PPP1R9A: variants seen among roughly 807,000 people sequenced by gnomAD.
PPP1R9A encodes protein phosphatase 1 regulatory subunit 9A.
Under a neutral mutation model 141.9 loss-of-function variants are expected in PPP1R9A, and 59 were observed. The observed-to-expected ratio is 0.42, with a 90% CI of 0.34 to 0.52. The LOEUF (loss-of-function observed/expected upper bound fraction) is 0.52. PPP1R9A is among the 20% of genes least tolerant of loss of function. The pLI is 0.10. For missense variants in PPP1R9A, 1,444 were observed against 1,611.9 expected (o/e 0.90, Z 1.78); for synonymous variants, 500 against 569.7 (o/e 0.88, Z 1.74).
At chr7:95,169,730 A>G (rs2152744893) in intron 5 of PPP1R9A, among the ~76,000 whole-genome samples, 1 of 152,062 alleles carries the variant, frequency 6.6e-6, no homozygotes, top group South Asian at 2.1e-4. Flanking sequence ...CTGATCCCAC[A>G]TTCAAAAGCC....
chr7:95,061,300 A>G (rs1812199492), intron 2 of PPP1R9A, among the ~76,000 whole-genome samples: 1 of 152,240 alleles, frequency 6.6e-6, no homozygotes, highest in East Asian at 1.9e-4. Flanking sequence ...GCTAACATCT[A>G]TAAAAATGTT....
chr7:95,198,663 G>A (rs978010969), intron 6 of PPP1R9A, among the ~76,000 whole-genome samples, 179 bp downstream of exon 6: 7 of 152,158 alleles, frequency 4.6e-5, no homozygotes, highest in African/African-American at 1.4e-4. Flanking sequence ...TAAGAATCAA[G>A]TCATGGTATC....
At chr7:95,098,096 T>C (rs1818274563) in intron 2 of PPP1R9A, 1 of 152,232 alleles carries the variant, frequency 6.6e-6, no homozygotes, top group Non-Finnish European at 1.5e-5. Context: ...TAATTTCCCT[T>C]ACTTAAAGTC....
intron 2 of PPP1R9A, among the ~76,000 whole-genome samples, chr7:95,037,452 A>C (rs1176481559): frequency 6.6e-6 from 1 of 152,202 alleles, no homozygotes; most frequent in Middle Eastern, 3.2e-3. Flanking sequence ...TATTAGGACC[A>C]CATGTGTTAT....
Position 94,911,341 on chromosome 7 carries a change from T to A in PPP1R9A, c.1228T>A (p.Tyr410Asn). ...TAATGTGTATAGGGTGAGATCCAGG[T>A]ATAATTCAGACTGGGGAGAGACAGG... The part of the protein sequence containing the change: ...DYNVYRVRSR[Y>N]NSDWGETGTE... Residue 410 changes from tyrosine (Y) to asparagine (N), a missense_variant, in exon 2 of 20, where the codon TAT becomes AAT. By Grantham distance (143) the Tyr-to-Asn change is moderately radical (BLOSUM62 -2). Coordinates refer to ENST00000433360, the MANE Select transcript of PPP1R9A (RefSeq NM_001166160.2). 2 of 1,614,040 alleles carry A rather than the reference T, an allele frequency of 1.2e-6. No individual in the cohort carries two copies. The highest frequency in any genetic ancestry group is 1.7e-6 in the Non-Finnish European group (2 of 1,180,006).
intron 5 of PPP1R9A, among the ~76,000 whole-genome samples, chr7:95,165,013 A>G (rs1447723304): frequency 2.6e-5 from 4 of 152,088 alleles, no homozygotes; most frequent in Admixed American, 1.3e-4. Flanking sequence ...GTCACATGAC[A>G]TACAATTGGC....
In PPP1R9A at chr7:95,284,249, G is replaced by A; in HGVS notation, c.3528G>A (p.Lys1176=). ...VENTWITKAN[K]RNPNPSSSSI... is the part of the protein sequence containing the mutation. ...ACACATGGATTACAAAAGCAAACAA[G>A]AGAAACCCAAATCCCTCCTCTTCTT... Residue 1176 remains lysine (K), a synonymous_variant, in exon 17 of 20, where the codon AAG becomes AAA. Transcript: ENST00000433360. 6 of 1,572,414 alleles carry A rather than the reference G, an allele frequency of 3.8e-6. No individual in the cohort carries two copies. Among genetic ancestry groups the A allele is most frequent in the South Asian group, 1.1e-5 (1 of 90,486 alleles).
At chr7:95,011,215 T>G (rs1804371499) in intron 2 of PPP1R9A, among the ~76,000 whole-genome samples, 1 of 152,186 alleles carries the variant, frequency 6.6e-6, no homozygotes, top group African/African-American at 2.4e-5. Context: ...ATTTTATTCT[T>G]TCAAATATGG....
intron 8 of PPP1R9A, among the ~76,000 whole-genome samples, chr7:95,238,821 T>G (rs1489614303): frequency 2.0e-5 from 3 of 152,204 alleles, no homozygotes; most frequent in African/African-American, 7.2e-5. Flanking sequence ...ATTGTTTAAA[T>G]ATGAGAGCAG....
At chr7:95,117,227 C>T (rs756837282) in intron 3 of PPP1R9A, among the ~76,000 whole-genome samples, 7 of 151,660 alleles carry the variant, frequency 4.6e-5, no homozygotes, top group Non-Finnish European at 7.4e-5. Context: ...TGGTGCTTTG[C>T]CTGTCCCTAG....
chr7:95,288,557 C>T lies in PPP1R9A; in HGVS notation c.3751C>T (p.Pro1251Ser), dbSNP rs1015069053. 6.2e-7 allele frequency: 1 copy of T among 1,613,846 alleles called. No individual in the cohort carries two copies. Among genetic ancestry groups the T allele is most frequent in the African/African-American group, 1.3e-5 (1 of 74,892 alleles). Residue 1251 changes from proline (P) to serine (S), a missense_variant, in exon 19 of 20, where the codon CCC becomes TCC. By Grantham distance (74) the Pro-to-Ser change is moderately conservative. Around this residue, in one of 5 missense-constraint regions of PPP1R9A, gnomAD observed 459 missense variants for 513.8 expected, o/e 0.89. Transcript: ENST00000433360. Reference protein sequence around the residue: ...SDEILDDGQSPKHSQCQNRAV... With the variant: ...SDEILDDGQSSKHSQCQNRAV... ...TTAGATCCTTGATGATGGACAGTCTCCCAAACACAGTCAGTGTCAGAATCG... is the reference window on the plus strand; with the variant it reads ...TTAGATCCTTGATGATGGACAGTCTTCCAAACACAGTCAGTGTCAGAATCG...
At chr7:95,196,704 TC>T (rs1176598720) in intron 5 of PPP1R9A, among the ~76,000 whole-genome samples, 1 of 152,148 alleles carries the variant, frequency 6.6e-6, no homozygotes, top group Admixed American at 6.5e-5. Flanking sequence ...AGCTAGATAC[TC>T]TAAAATTCCA....
chr7:95,195,287 T>A (rs1300744745), intron 5 of PPP1R9A, among the ~76,000 whole-genome samples: 1 of 151,716 alleles, frequency 6.6e-6, no homozygotes, highest in Non-Finnish European at 1.5e-5. Flanking sequence ...TCAGTTTTTT[T>A]TTTTTTTTCT....
chr7:95,025,716 C>G (rs1806734654), intron 2 of PPP1R9A, among the ~76,000 whole-genome samples: 1 of 152,128 alleles, frequency 6.6e-6, no homozygotes, highest in Admixed American at 6.5e-5. Context: ...CACCAATCAA[C>G]CATAGATTTG....
At chr7:95,276,264 G>A (rs1394562199) in intron 16 of PPP1R9A, among the ~76,000 whole-genome samples, 2 of 152,156 alleles carry the variant, frequency 1.3e-5, no homozygotes, top group South Asian at 2.1e-4. Flanking sequence ...GAGGGTGTTT[G>A]ATGGAATTTT....
intron 5 of PPP1R9A, among the ~76,000 whole-genome samples, chr7:95,185,378 A>ATTTTTTTTTTTTTTTTTT (rs147366122): frequency 2.7e-5 from 4 of 148,816 alleles, no homozygotes; most frequent in African/African-American, 9.9e-5. Context: ...TTTTTATGGG[A>ATTTTTTTTTTTTTTTTTT]TTTTTTTTTT....
At chr7:94,913,917 A>G (rs1170556423) in intron 2 of PPP1R9A, among the ~76,000 whole-genome samples, 1 of 152,174 alleles carries the variant, frequency 6.6e-6, no homozygotes, top group African/African-American at 2.4e-5. Context: ...AGTATAAAAA[A>G]CTATGCCAAA....
At chr7:95,117,475 G>C (rs987332506) in intron 3 of PPP1R9A, among the ~76,000 whole-genome samples, 1 of 152,114 alleles carries the variant, frequency 6.6e-6, no homozygotes, top group Non-Finnish European at 1.5e-5. Flanking sequence ...AGGATGGCTT[G>C]AGTTAATATT....
At chr7:95,003,370 A>G (rs1040842304) in intron 2 of PPP1R9A, among the ~76,000 whole-genome samples, 1 of 152,126 alleles carries the variant, frequency 6.6e-6, no homozygotes, top group Non-Finnish European at 1.5e-5. Context: ...TTGTTAGAAA[A>G]CATGGTAACT....
Sources: allele counts gnomAD v4.1 joint callset (sites outside exome capture counted in the v4.1 genomes callset), GRCh38; gene constraint gnomAD v4.1.1; regional missense constraint gnomAD v4.1.1; transcripts MANE v1.5; gene names NCBI Gene and HGNC (gene_info 2026-07-23, HGNC 2026-07-21).